Variants in NBAS observed in about 807,000 individuals in gnomAD.
NBAS encodes NBAS subunit of NRZ tethering complex, also known as NAG/BC035112 fusion.
Under a neutral mutation model 302.5 loss-of-function variants are expected in NBAS, and 219 were observed. That is an observed-to-expected ratio of 0.72 (90% confidence interval 0.65 to 0.81). NBAS has a LOEUF of 0.81. Ranked by LOEUF, NBAS falls within the 30% of genes least tolerant of loss-of-function variation. The pLI, the probability that NBAS is intolerant of heterozygous loss-of-function variation, is 0.00. For synonymous variants in NBAS, 1,118 were observed against 1,021.6 expected, an observed-to-expected ratio of 1.09 and a Z score of -1.80; for missense variants, 2,932 against 2,841.6, an observed-to-expected ratio of 1.03 and a Z score of -0.72.
At chr2:14,944,442 C>T in the NBAS span, among the ~76,000 whole-genome samples, 1 of 152,238 alleles carries the variant, frequency 6.6e-6, no homozygotes, top group East Asian at 1.9e-4. Context: ...TTCTCCAACA[C>T]GTCCTTGACA....
intron 4 of NBAS, among the ~76,000 whole-genome samples, chr2:15,553,796 C>T (rs931076998): frequency 1.5e-5 from 2 of 134,876 alleles, no homozygotes; most frequent in Non-Finnish European, 3.2e-5. Flanking sequence ...CTCCCTCCCT[C>T]CCTCTCTCCC....
chr2:15,272,315 G>A (rs1669361612), intron 44 of NBAS, among the ~76,000 whole-genome samples: 1 of 152,156 alleles, frequency 6.6e-6, no homozygotes, highest in Admixed American at 6.5e-5. Context: ...TGCACACTGT[G>A]TATGAATAGT....
At chr2:14,782,867 A>G in the NBAS span, among the ~76,000 whole-genome samples, 1 of 152,180 alleles carries the variant, frequency 6.6e-6, no homozygotes, top group African/African-American at 2.4e-5. Flanking sequence ...CAGAAAACCA[A>G]ATACCACATG....
the NBAS span, among the ~76,000 whole-genome samples, chr2:15,103,808 T>G: frequency 4.6e-5 from 7 of 152,174 alleles, no homozygotes; most frequent in African/African-American, 1.7e-4. Context: ...GTCACTTCCA[T>G]GGTCTGTGTA....
chr2:15,461,463 T>C, intron 20 of NBAS, 126 bp from the exon 21 acceptor site: 3 of 986,876 alleles, frequency 3.0e-6, no homozygotes, highest in Middle Eastern at 2.2e-4. Flanking sequence ...GAAATGACCC[T>C]AGTTTTTCCT....
the NBAS span, among the ~76,000 whole-genome samples, chr2:14,881,649 T>C: frequency 7.9e-5 from 12 of 152,342 alleles, no homozygotes; most frequent in South Asian, 2.1e-3. Flanking sequence ...ATCTACTAGA[T>C]TGGGGCTAGC....
At chr2:14,796,862 C>A in the NBAS span, among the ~76,000 whole-genome samples, 3 of 147,884 alleles carry the variant, frequency 2.0e-5, no homozygotes, top group Non-Finnish European at 4.4e-5. Context: ...AAAACCCAGA[C>A]TCGAGATGGA....
chr2:15,184,347 A>G (rs1490690145), intron 50 of NBAS, among the ~76,000 whole-genome samples: 2 of 152,120 alleles, frequency 1.3e-5, no homozygotes, highest in Non-Finnish European at 2.9e-5. Context: ...TGGGCACTTT[A>G]TTTCTATTAG....
chr2:15,285,413 C>T (rs1669993372), intron 42 of NBAS, among the ~76,000 whole-genome samples: 1 of 152,146 alleles, frequency 6.6e-6, no homozygotes, highest in Non-Finnish European at 1.5e-5. Flanking sequence ...GTTAGCAGCT[C>T]TTCCTCTACC....
the NBAS span, among the ~76,000 whole-genome samples, chr2:14,832,551 C>A: frequency 6.6e-6 from 1 of 152,146 alleles, no homozygotes; most frequent in South Asian, 2.1e-4. Context: ...TGTGCCATCG[C>A]TCCACCATTT....
chr2:15,555,709 A>G (rs1488491949), intron 3 of NBAS, among the ~76,000 whole-genome samples: 1 of 152,204 alleles, frequency 6.6e-6, no homozygotes, highest in East Asian at 1.9e-4. Context: ...TGCAACCTGT[A>G]CAATGATTCA....
chr2:15,484,694 T>C (rs1680554497), intron 12 of NBAS, among the ~76,000 whole-genome samples: 1 of 152,198 alleles, frequency 6.6e-6, no homozygotes, highest in African/African-American at 2.4e-5. Flanking sequence ...CCTGAGCTTA[T>C]CTTCTCAAAA....
intron 44 of NBAS, among the ~76,000 whole-genome samples, chr2:15,251,759 C>T (rs1315323962): frequency 1.3e-5 from 2 of 152,198 alleles, no homozygotes; most frequent in Non-Finnish European, 2.9e-5. Flanking sequence ...TGGCTTTTAG[C>T]TGGCTTCTTT....
At chr2:15,257,843 T>C (rs985463608) in intron 44 of NBAS, among the ~76,000 whole-genome samples, 4 of 152,228 alleles carry the variant, frequency 2.6e-5, no homozygotes, top group Non-Finnish European at 5.9e-5. Context: ...TCCACCCACT[T>C]ATTTATGTGA....
At chr2:15,443,372 C>T (rs1466336260) in intron 21 of NBAS, among the ~76,000 whole-genome samples, 1 of 151,794 alleles carries the variant, frequency 6.6e-6, no homozygotes, top group Non-Finnish European at 1.5e-5. Context: ...AAATGTAATC[C>T]AGCATATAAA....
chr2:15,319,507 C>A (rs1459386570), intron 38 of NBAS, among the ~76,000 whole-genome samples: 1 of 150,394 alleles, frequency 6.6e-6, no homozygotes, highest in African/African-American at 2.4e-5. Context: ...CTAGCAAGAG[C>A]AATAAAGAGG....
At chr2:15,194,745 G>A (rs949228193) in intron 48 of NBAS, among the ~76,000 whole-genome samples, 1 of 152,092 alleles carries the variant, frequency 6.6e-6, no homozygotes, top group Non-Finnish European at 1.5e-5. Context: ...TTTAAAAGTG[G>A]GGAAGGTAAA....
chr2:15,394,465 T>C (rs1675769503), intron 27 of NBAS, 116 bp from the exon 28 acceptor site: 1 of 1,056,954 alleles, frequency 9.5e-7, no homozygotes, highest in Non-Finnish European at 1.4e-6. Flanking sequence ...TATCCCATAG[T>C]GTAATCCAAT....
intron 21 of NBAS, among the ~76,000 whole-genome samples, chr2:15,435,860 C>G (rs1285933704): frequency 1.3e-5 from 2 of 152,086 alleles, no homozygotes; most frequent in African/African-American, 4.8e-5. Flanking sequence ...AGATTGTCTC[C>G]CCACTAAAAG....
Sources: allele counts gnomAD v4.1 joint callset (sites outside exome capture counted in the v4.1 genomes callset), GRCh38; gene constraint gnomAD v4.1.1; transcripts MANE v1.5; gene names NCBI Gene and HGNC (gene_info 2026-07-23, HGNC 2026-07-21).